The following CHD9 variants were observed in gnomAD, a reference collection of about 807,000 sequenced individuals.
CHD9 encodes the protein ATP-dependent chromatin remodeler CHD9.
A neutral mutation model predicts 316.1 loss-of-function variants in CHD9; 77 were observed. The ratio of observed to expected loss-of-function variants is 0.24; its 90% CI spans 0.20 to 0.29. The LOEUF is 0.29. Among genes scored for constraint, CHD9 ranks in the 10% least tolerant of loss-of-function variants. The pLI is 1.00. For missense variants in CHD9, 2,763 were observed against 3,438.1 expected (o/e 0.80, Z 4.91); for synonymous variants, 1,129 against 1,158.3 (o/e 0.97, Z 0.51).
At chr16:53,167,711 A>C (rs1012841772) in intron 2 of CHD9, among the ~76,000 whole-genome samples, 1 of 152,022 alleles carries the variant, frequency 6.6e-6, no homozygotes, top group Non-Finnish European at 1.5e-5. Context: ...TATACATATC[A>C]TATATAGCTA....
chr16:53,199,988 C>T (rs536606164), intron 2 of CHD9, among the ~76,000 whole-genome samples: 6 of 152,252 alleles, frequency 3.9e-5, no homozygotes, highest in African/African-American at 1.2e-4. Flanking sequence ...GTAATCCTAG[C>T]ACTTTGGGAG....
At chr16:53,140,788 G>A (rs764966548) in intron 1 of CHD9, among the ~76,000 whole-genome samples, 7 of 152,170 alleles carry the variant, frequency 4.6e-5, no homozygotes, top group South Asian at 2.1e-4. Context: ...ACTGGGTCTC[G>A]CTGTGTGCCC....
chr16:53,297,305 A>G, intron 30 of CHD9, 147 bp downstream of exon 30: 1 of 637,104 alleles, frequency 1.6e-6, no homozygotes, highest in Non-Finnish European at 2.7e-6. Flanking sequence ...TAAATAAACT[A>G]GCTTAAAGAT....
chr16:53,154,476 A>G (rs2152742677), intron 1 of CHD9, among the ~76,000 whole-genome samples: 1 of 152,288 alleles, frequency 6.6e-6, no homozygotes, highest in South Asian at 2.1e-4. Context: ...TTTGTGGATG[A>G]TACTATGCAT....
chr16:53,173,519 C>G (rs1443602759), intron 2 of CHD9, among the ~76,000 whole-genome samples: 1 of 151,576 alleles, frequency 6.6e-6, no homozygotes, highest in Non-Finnish European at 1.5e-5. Context: ...TTATTTCTTT[C>G]TTTTGCTTTG....
chr16:53,204,339 G>A (rs556852903), intron 2 of CHD9, among the ~76,000 whole-genome samples: 7 of 152,116 alleles, frequency 4.6e-5, no homozygotes, highest in African/African-American at 1.7e-4. Context: ...TATGGCTGTT[G>A]GTTACATGTG....
In CHD9 at chr16:53,245,958, G is replaced by A. The variant is rs2049548736; in HGVS notation, c.3454+108G>A. On this transcript the variant is annotated intron_variant, in intron 15 of 38. Coordinates refer to ENST00000447540, the MANE Select transcript of CHD9 (RefSeq NM_001308319.2). This position sits in a 1 kb window ranked among gnomAD's most constrained non-coding sequence, Gnocchi z 4.1. ...AGTGGCTGTTATGACTCTCCACTGTGATATTCTAAGGAATTACAAGTGTTA... is the reference window on the plus strand; with the variant it reads ...AGTGGCTGTTATGACTCTCCACTGTAATATTCTAAGGAATTACAAGTGTTA... 4.1e-6 allele frequency: 3 copies of A among 738,988 alleles called. No individual in the cohort carries two copies. The highest frequency in any genetic ancestry group is 3.3e-5 in the South Asian group (1 of 29,996). The allele number at this position is 738,988 out of a possible 1,614,324, so 45.8% of individuals were successfully genotyped here.
chr16:53,297,722 A>G (rs535393797), intron 30 of CHD9, among the ~76,000 whole-genome samples: 1 of 152,324 alleles, frequency 6.6e-6, no homozygotes, highest in African/African-American at 2.4e-5. Flanking sequence ...CAGTAATGCT[A>G]TGTCATGAAC....
At chr16:53,299,009 C>G (rs2055088486) in intron 30 of CHD9, 1 of 167,200 alleles carries the variant, frequency 6.0e-6, no homozygotes, top group Admixed American at 6.0e-5. Context: ...ACAACCTTAT[C>G]ATTTTCAGAC....
intron 1 of CHD9, among the ~76,000 whole-genome samples, chr16:53,059,150 G>A (rs1486254267): frequency 6.6e-6 from 1 of 152,218 alleles, no homozygotes. Flanking sequence ...CAACATTTGG[G>A]TATTGATCAG....
At chr16:53,066,502 G>C (rs1567303939) in intron 1 of CHD9, among the ~76,000 whole-genome samples, 1 of 152,158 alleles carries the variant, frequency 6.6e-6, no homozygotes, top group East Asian at 1.9e-4. Flanking sequence ...CACATACGGA[G>C]AATCAGTGGC....
intron 2 of CHD9, among the ~76,000 whole-genome samples, chr16:53,193,406 G>A (rs923886230): frequency 4.0e-5 from 6 of 151,726 alleles, no homozygotes; most frequent in Admixed American, 6.6e-5. Context: ...CCGAGATCAC[G>A]CCACTGCACT....
chr16:53,293,213 ATATG>A (rs1436346742), intron 29 of CHD9, among the ~76,000 whole-genome samples, 161 bp downstream of exon 29: 10 of 152,208 alleles, frequency 6.6e-5, no homozygotes, highest in African/African-American at 2.4e-4. Context: ...ACACATTTAT[ATATG>A]TATGAGTGTG....
rs16952172 is a variant in CHD9, at chr16:53,325,618, T to A, written c.*723T>A. The stretch of plus-strand genomic sequence containing the variant: ...TGCTTTTTGCTGAGCTTAATTCAGA[T>A]ATCAGTAAAATTAAGTCATAAAATA... On this transcript the variant is annotated 3_prime_UTR_variant, in exon 39 of 39. Transcript: ENST00000447540. 0.033 allele frequency: 4,973 copies of A among 152,666 alleles called. 101 individuals carry two copies. The highest frequency in any genetic ancestry group is 0.071 in the Middle Eastern group (21 of 294). The allele number at this position is 152,666 out of a possible 1,614,324, so 9.5% of individuals were successfully genotyped here.
chr16:53,086,976 G>T (rs2035517302), intron 1 of CHD9, among the ~76,000 whole-genome samples: 2 of 151,932 alleles, frequency 1.3e-5, no homozygotes, highest in South Asian at 4.2e-4. Context: ...CCTTCCAGGG[G>T]GCCACACCTC....
chr16:53,082,724 G>A (rs1000674753), intron 1 of CHD9, among the ~76,000 whole-genome samples: 12 of 152,168 alleles, frequency 7.9e-5, no homozygotes, highest in East Asian at 3.9e-4. Flanking sequence ...GGAGGAATTC[G>A]ACCTTCAGAT....
chr16:53,178,546 G>T (rs777433127), intron 2 of CHD9, among the ~76,000 whole-genome samples: 3 of 149,532 alleles, frequency 2.0e-5, no homozygotes, highest in Non-Finnish European at 4.4e-5. Context: ...GATCTTCCGT[G>T]CTAAAGTGAT....
chr16:53,111,972 C>T (rs1378640546), intron 1 of CHD9, among the ~76,000 whole-genome samples: 1 of 152,174 alleles, frequency 6.6e-6, no homozygotes, highest in African/African-American at 2.4e-5. Flanking sequence ...TTGTCTGTGT[C>T]TTACTGATAA....
rs140418885 is a variant in CHD9, at chr16:53,090,740, G to T, written c.-165+35663G>T. Among the ~76,000 whole-genome samples the T allele has an allele frequency of 3.3e-5, 5 of 152,310 alleles. No homozygotes were observed. The East Asian group carries it at 9.7e-4, about 29-fold the overall frequency. ...AATGTGGGTGTGCGGTGGCTTTCCA[G>T]TTTCTTGGCTTCTCCCCAGGCTATG... On this transcript the variant is annotated intron_variant, in intron 1 of 38. Coordinates refer to ENST00000447540, the MANE Select transcript of CHD9 (RefSeq NM_001308319.2).
Sources: allele counts gnomAD v4.1 joint callset (sites outside exome capture counted in the v4.1 genomes callset), GRCh38; gene constraint gnomAD v4.1.1; non-coding constraint Gnocchi (gnomAD v3.1); transcripts MANE v1.5; gene names NCBI Gene and HGNC (gene_info 2026-07-23, HGNC 2026-07-21).